IL2RA: variants seen among roughly 807,000 people sequenced by gnomAD.
IL2RA encodes interleukin 2 receptor subunit alpha, also known as interleukin-2 receptor subunit alpha.
Under a neutral mutation model 37.8 loss-of-function variants are expected in IL2RA, and 24 were observed. The observed-to-expected ratio is 0.63, with a 90% confidence interval of 0.46 to 0.89. The LOEUF (loss-of-function observed/expected upper bound fraction) is 0.89, where lower values mean the gene tolerates loss of function less well. Among genes scored for constraint, IL2RA ranks in the 40% least tolerant of loss-of-function variants. IL2RA has a pLI of 0.00. For missense variants in IL2RA, 319 were observed against 348.6 expected (o/e 0.92, Z 0.68); for synonymous variants, 125 against 114.6 (o/e 1.09, Z -0.58).
At chr10:6,034,572 C>G (rs1839650606) in intron 1 of IL2RA, among the ~76,000 whole-genome samples, 1 of 152,020 alleles carries the variant, frequency 6.6e-6, no homozygotes, top group Non-Finnish European at 1.5e-5. Context: ...TTATATGACT[C>G]CAAAATGTTG....
In IL2RA at chr10:6,012,745, A is replaced by G; in HGVS notation, c.*127T>C. On this transcript the variant is annotated 3_prime_UTR_variant, in exon 8 of 8. Coordinates refer to ENST00000379959, the MANE Select transcript of IL2RA (RefSeq NM_000417.3). This position sits in a 1 kb window ranked among gnomAD's most constrained non-coding sequence, Gnocchi z 4.8. The stretch of plus-strand genomic sequence containing the variant: ...CCTGTGATGTGACTTCAGAGCTTCC[A>G]AAACGCAGGCAAGCACAACGGATGT... The G allele has an allele frequency of 1.0e-6, 1 of 1,000,226 alleles. No individual in the cohort carries two copies. Among genetic ancestry groups the G allele is most frequent in the Non-Finnish European group, 1.6e-6 (1 of 625,696 alleles). 62.0% of individuals were successfully genotyped at this position (1,000,226 alleles called of 1,614,324 possible).
rs114032829 is a variant in IL2RA, at chr10:6,055,410, G to A, written c.64+6678C>T. Among the ~76,000 whole-genome samples, 39 of 144,258 alleles carry A rather than the reference G, an allele frequency of 2.7e-4. 2 individuals are homozygous for A. Among genetic ancestry groups the A allele is most frequent in the African/African-American group, 9.6e-4 (37 of 38,452 alleles). 94.6% of individuals were successfully genotyped at this position (144,258 alleles called of 152,430 possible). On this transcript the variant is annotated intron_variant, in intron 1 of 7. Transcript: ENST00000379959. ...CCGCTTAATTCATCTTATGAGTCTT[G>A]GCCATCACTTTTTTTTTTTTTTTTT...
rs1326988281 is a variant in IL2RA at position 6,014,229 on chromosome 10, C to T, written c.795-1333G>A. 1.3e-5 allele frequency among the ~76,000 whole-genome samples: 2 copies of T among 152,194 alleles called. No individual in the cohort carries two copies. Among genetic ancestry groups the T allele is most frequent in the South Asian group, 2.1e-4 (1 of 4,832 alleles). On this transcript the variant is annotated intron_variant, in intron 7 of 7. Transcript: ENST00000379959. The surrounding 1 kb of genome is among the most constrained non-coding windows in gnomAD (Gnocchi z 4.4). ...ACTGTGAGCCTTCTGTAGCACATCA[C>T]GGGCTCCTGGTCATTGCCCGAAACA... is the stretch of plus-strand genomic sequence containing the variant.
intron 1 of IL2RA, among the ~76,000 whole-genome samples, chr10:6,030,746 A>G (rs1839563001): frequency 1.3e-5 from 2 of 152,242 alleles, no homozygotes; most frequent in African/African-American, 4.8e-5. Flanking sequence ...TTTGTTTTTA[A>G]CATCTTTGAA....
At chr10:6,042,434 A>C (rs965314549) in intron 1 of IL2RA, among the ~76,000 whole-genome samples, 10 of 152,128 alleles carry the variant, frequency 6.6e-5, no homozygotes, top group Non-Finnish European at 5.9e-5. Flanking sequence ...CATGTACGTG[A>C]TACCTTAAAA....
At position 6,044,540 on chromosome 10, in the gene IL2RA, CTGACATGGCACACTCA is replaced by C. The variant is rs974161696; in HGVS notation, c.64+17532_64+17547del. ...TGGGTGTTGCCATGGCAATGGTAAACTGACATGGCACACTCATGAGCATGTCTTATGGAAAGCTGCT... is the reference window on the plus strand; with the variant it reads ...TGGGTGTTGCCATGGCAATGGTAAACTGAGCATGTCTTATGGAAAGCTGCT... On this transcript the variant is annotated intron_variant, in intron 1 of 7. Transcript: ENST00000379959. This position sits in a 1 kb window ranked among gnomAD's most constrained non-coding sequence, Gnocchi z 4.5. Among the ~76,000 whole-genome samples the C allele has an allele frequency of 4.5e-4, 69 of 152,326 alleles. No homozygotes were observed. Among genetic ancestry groups the C allele is most frequent in the African/African-American group, 1.6e-3 (66 of 41,560 alleles).
rs1840007741 is a variant in IL2RA, at chr10:6,054,194, A to AC, written c.64+7893_64+7894insG. Among the ~76,000 whole-genome samples, 1 of 151,868 alleles carries AC rather than the reference A, an allele frequency of 6.6e-6. No individual in the cohort carries two copies. The highest frequency in any genetic ancestry group is 1.5e-5 in the Non-Finnish European group (1 of 67,956). ...GCTGCAGGCGGAGCTGCTGGTCAAA[A>AC]ACCCCCCGGGGAACTGGTTGGGTGT... is the stretch of plus-strand genomic sequence containing the variant. On this transcript the variant is annotated intron_variant, in intron 1 of 7. Transcript: ENST00000379959. The surrounding 1 kb of genome is among the most constrained non-coding windows in gnomAD (Gnocchi z 4.5).
At position 6,046,632 on chromosome 10, in the gene IL2RA, C is replaced by A. The variant is rs1180644777; in HGVS notation, c.64+15456G>T. 2.0e-5 allele frequency among the ~76,000 whole-genome samples: 3 copies of A among 152,236 alleles called. No individual in the cohort carries two copies. Among genetic ancestry groups the A allele is most frequent in the African/African-American group, 7.2e-5 (3 of 41,464 alleles). On this transcript the variant is annotated intron_variant, in intron 1 of 7. Coordinates refer to ENST00000379959, the MANE Select transcript of IL2RA (RefSeq NM_000417.3). The surrounding 1 kb of genome is among the most constrained non-coding windows in gnomAD (Gnocchi z 4.8). Reference sequence around the variant, plus strand: ...TCTGTGAGTGGGTCAAAATGCCTGTCTGCTGCCCTGGCCCTCTTCTGCAGC... The same window carrying A: ...TCTGTGAGTGGGTCAAAATGCCTGTATGCTGCCCTGGCCCTCTTCTGCAGC...
At position 6,033,292 on chromosome 10, in the gene IL2RA, AAAAC is replaced by A. The variant is rs1247553213; in HGVS notation, c.65-7271_65-7268del. Among the ~76,000 whole-genome samples the A allele has an allele frequency of 6.6e-6, 1 of 151,928 alleles. No homozygotes were observed. Among genetic ancestry groups the A allele is most frequent in the African/African-American group, 2.4e-5 (1 of 41,310 alleles). On this transcript the variant is annotated intron_variant, in intron 1 of 7. Transcript: ENST00000379959. The surrounding 1 kb of genome is among the most constrained non-coding windows in gnomAD (Gnocchi z 4.3). ...GGCAACAGAGTGAGACTCTGTCTCA[AAAAC>A]AAACAAAGAAACAAACAAACAACAA... is the stretch of plus-strand genomic sequence containing the variant.
intron 1 of IL2RA, among the ~76,000 whole-genome samples, chr10:6,037,536 A>G (rs866674395): frequency 6.6e-6 from 1 of 152,180 alleles, no homozygotes; most frequent in Non-Finnish European, 1.5e-5. Flanking sequence ...GAGCACAGGA[A>G]ATGTCTAGGT....
Position 6,029,421 on chromosome 10 carries a change from TC to T in IL2RA, c.65-3397del, listed in dbSNP as rs1167381495. Among the ~76,000 whole-genome samples the T allele has an allele frequency of 6.6e-6, 1 of 152,104 alleles. No homozygotes were observed. Among genetic ancestry groups the T allele is most frequent in the African/African-American group, 2.4e-5 (1 of 41,406 alleles). The stretch of plus-strand genomic sequence containing the variant: ...CTCAGGTGATCCACCTGCCTCGGCC[TC>T]CCAAAGTGCTAGGATTACAGGAGTG... On this transcript the variant is annotated intron_variant, in intron 1 of 7. Coordinates refer to ENST00000379959, the MANE Select transcript of IL2RA (RefSeq NM_000417.3). The surrounding 1 kb of genome is among the most constrained non-coding windows in gnomAD (Gnocchi z 4.6).
chr10:6,039,546 A>G (rs774043134), intron 1 of IL2RA: 3 of 152,208 alleles, frequency 2.0e-5, no homozygotes, highest in Non-Finnish European at 4.4e-5. Context: ...TCAAGCACAC[A>G]TGGGACATTT....
chr10:6,026,063 C>T, intron 1 of IL2RA, 38 bp from the exon 2 acceptor site: 3 of 1,594,118 alleles, frequency 1.9e-6, no homozygotes, highest in Admixed American at 1.7e-5. Context: ...ACTCAAGAGG[C>T]CCCAGGCAAG....
rs1840018956 is a variant in IL2RA, at chr10:6,054,845, C to T, written c.64+7243G>A. Among the ~76,000 whole-genome samples the T allele has an allele frequency of 2.0e-5, 3 of 152,008 alleles. No individual in the cohort carries two copies. The highest frequency in any genetic ancestry group is 4.2e-4 in the South Asian group (2 of 4,810). On this transcript the variant is annotated intron_variant, in intron 1 of 7. Transcript: ENST00000379959. The surrounding 1 kb of genome is among the most constrained non-coding windows in gnomAD (Gnocchi z 4.5). The stretch of plus-strand genomic sequence containing the variant: ...ATGTTTGATCAATATTTGATCTTTC[C>T]CAGATTGGTTTTCCCTTTTTCTAAT...
rs892394250 is a variant in IL2RA at position 6,029,916 on chromosome 10, G to C, written c.65-3891C>G. Among the ~76,000 whole-genome samples the C allele has an allele frequency of 6.6e-6, 1 of 152,100 alleles. No homozygotes were observed. The highest frequency in any genetic ancestry group is 1.5e-5 in the Non-Finnish European group (1 of 68,012). ...GATGGGGTTTCACCATGTTGACCAG[G>C]CTGGTCTCGAATTCCTGACCTCAGA... is the stretch of plus-strand genomic sequence containing the variant. On this transcript the variant is annotated intron_variant, in intron 1 of 7. Transcript: ENST00000379959. This position sits in a 1 kb window ranked among gnomAD's most constrained non-coding sequence, Gnocchi z 4.6.
intron 1 of IL2RA, among the ~76,000 whole-genome samples, chr10:6,052,876 T>C (rs937548121): frequency 1.4e-4 from 16 of 116,916 alleles, no homozygotes; most frequent in Non-Finnish European, 2.9e-4. Flanking sequence ...ACACTGCCGC[T>C]TTCTCTAAAG....
rs1214838668 is a variant in IL2RA at position 6,033,298 on chromosome 10, A to G, written c.65-7273T>C. On this transcript the variant is annotated intron_variant, in intron 1 of 7. Transcript: ENST00000379959. The surrounding 1 kb of genome is among the most constrained non-coding windows in gnomAD (Gnocchi z 4.3). The stretch of plus-strand genomic sequence containing the variant: ...AGAGTGAGACTCTGTCTCAAAAACA[A>G]ACAAAGAAACAAACAAACAACAACA... Among the ~76,000 whole-genome samples, 1 of 151,552 alleles carries G rather than the reference A, an allele frequency of 6.6e-6. No individual in the cohort carries two copies. The highest frequency in any genetic ancestry group is 2.4e-5 in the African/African-American group (1 of 41,070).
rs11256342 is a variant in IL2RA at position 6,015,268 on chromosome 10, T to G, written c.795-2372A>C. 0.27 allele frequency among the ~76,000 whole-genome samples: 40,893 copies of G among 151,746 alleles called. 6,103 individuals are homozygous for G. Among genetic ancestry groups the G allele is most frequent in the East Asian group, 0.35 (1,821 of 5,162 alleles). On this transcript the variant is annotated intron_variant, in intron 7 of 7. Transcript: ENST00000379959. The surrounding 1 kb of genome is among the most constrained non-coding windows in gnomAD (Gnocchi z 4.9). ...CCATGACAGCCAGCTAATTTTTGTATTTTTAGAAGAGACAGGGTTTCTCCA... is the reference window on the plus strand; with the variant it reads ...CCATGACAGCCAGCTAATTTTTGTAGTTTTAGAAGAGACAGGGTTTCTCCA...
At chr10:6,037,268 A>G (rs764921420) in intron 1 of IL2RA, among the ~76,000 whole-genome samples, 1 of 152,072 alleles carries the variant, frequency 6.6e-6, no homozygotes, top group Non-Finnish European at 1.5e-5. Context: ...TTTTTCTCTG[A>G]TGTTCAAAGT....
Sources: gnomAD v4.1 joint callset for allele counts (sites outside exome capture counted in the v4.1 genomes callset) on GRCh38, gnomAD v4.1.1 for gene constraint, Gnocchi (gnomAD v3.1) non-coding constraint, MANE v1.5 for transcripts, NCBI Gene and HGNC (gene_info 2026-07-23, HGNC 2026-07-21) for gene names.